The following ITPR1 variants were observed in gnomAD, a reference collection of about 807,000 sequenced individuals.
The protein encoded by ITPR1 is inositol 1,4,5-trisphosphate-gated calcium channel ITPR1.
In ITPR1, 96 loss-of-function variants were observed where a neutral mutation model predicts 318.4. The observed-to-expected ratio is 0.30, with a 90% CI of 0.26 to 0.36. The LOEUF (loss-of-function observed/expected upper bound fraction) is 0.36. Ranked by LOEUF, ITPR1 falls within the 10% of genes least tolerant of loss-of-function variation. ITPR1 has a pLI of 1.00. For synonymous variants in ITPR1, 1,312 were observed against 1,289.9 expected (o/e 1.02, Z -0.37); for missense variants, 2,440 against 3,460.2 (o/e 0.71, Z 7.40).
intron 4 of ITPR1, among the ~76,000 whole-genome samples, chr3:4,522,548 A>G (rs768897498): frequency 6.6e-6 from 1 of 152,186 alleles, no homozygotes; most frequent in Non-Finnish European, 1.5e-5. Context: ...AAAGAGAGAG[A>G]ATAACAGTTG....
At chr3:4,582,710 G>C (rs1258556539) in intron 4 of ITPR1, among the ~76,000 whole-genome samples, 1 of 152,178 alleles carries the variant, frequency 6.6e-6, no homozygotes, top group Non-Finnish European at 1.5e-5. Flanking sequence ...CTTTATGGCT[G>C]TGAAAGTGTC....
intron 44 of ITPR1, among the ~76,000 whole-genome samples, chr3:4,746,542 G>A (rs867787143): frequency 2.1e-5 from 3 of 143,364 alleles, no homozygotes; most frequent in Middle Eastern, 3.5e-3. Context: ...GATCCCCTGA[G>A]GCAGAGATAA....
At chr3:4,699,326 C>T (rs1031093984) in intron 34 of ITPR1, among the ~76,000 whole-genome samples, 2 of 151,846 alleles carry the variant, frequency 1.3e-5, no homozygotes, top group African/African-American at 4.8e-5. Flanking sequence ...CACAGCACTC[C>T]ATCCTGGGTG....
intron 4 of ITPR1, among the ~76,000 whole-genome samples, chr3:4,603,588 C>T (rs1262649982): frequency 3.9e-5 from 6 of 152,092 alleles, no homozygotes; most frequent in Non-Finnish European, 7.4e-5. Context: ...CGCCACCACA[C>T]CTAGCTAATT....
rs142268793 is a variant in ITPR1 at position 4,620,469 on chromosome 3, G to A, written c.164-7294G>A. 4.8e-3 allele frequency among the ~76,000 whole-genome samples: 734 copies of A among 152,236 alleles called. 4 individuals carry two copies. The highest frequency in any genetic ancestry group is 0.017 in the African/African-American group (701 of 41,542). ...ACTCCTGTCACCCTTGATGCCTGGAGCCCCCAGTTACTAAGCCTTTCCAGG... is the reference window on the plus strand; with the variant it reads ...ACTCCTGTCACCCTTGATGCCTGGAACCCCCAGTTACTAAGCCTTTCCAGG... On this transcript the variant is annotated intron_variant, in intron 4 of 61. Transcript: ENST00000649015.
intron 17 of ITPR1, among the ~76,000 whole-genome samples, chr3:4,666,642 G>A (rs892936421): frequency 3.3e-5 from 5 of 152,150 alleles, no homozygotes; most frequent in African/African-American, 9.7e-5. Context: ...ATAGTTAACC[G>A]GGATTTAGGA....
intron 8 of ITPR1, among the ~76,000 whole-genome samples, chr3:4,644,660 A>G (rs1375141560): frequency 6.6e-6 from 1 of 152,166 alleles, no homozygotes; most frequent in Non-Finnish European, 1.5e-5. Flanking sequence ...TTGGCAATAC[A>G]TCTACTTCTC....
At position 4,775,378 on chromosome 3, in the gene ITPR1, C is replaced by T. The variant is rs1245384315; in HGVS notation, c.6116C>T (p.Ala2039Val). The T allele has an allele frequency of 7.4e-6, 12 of 1,613,392 alleles. No homozygotes were observed. Among genetic ancestry groups the T allele is most frequent in the African/African-American group, 2.7e-5 (2 of 74,902 alleles). ...LGLYINEKNV[A>V]LINQTLESLT... is the part of the protein sequence containing the mutation. ...TTGTATATAAATGAAAAGAATGTAG[C>T]GCTTATCAACCAAACCCTGGAAAGT... Residue 2039 changes from alanine to valine, a missense_variant, in exon 47 of 62, where the codon GCG becomes GTG. Ala to Val is a moderately conservative substitution (Grantham distance 64, BLOSUM62 0). Around this residue, in one of 23 missense-constraint regions of ITPR1, gnomAD observed 76 missense variants for 162.1 expected, o/e 0.47. Transcript: ENST00000649015.
intron 4 of ITPR1, among the ~76,000 whole-genome samples, chr3:4,612,822 G>A (rs536209535): frequency 7.9e-5 from 12 of 152,148 alleles, no homozygotes; most frequent in Admixed American, 3.9e-4. Flanking sequence ...AGGAGGCGGA[G>A]GTTGCAGTGA....
intron 6 of ITPR1, 119 bp downstream of exon 6, chr3:4,639,589 AGTTTATTGC>A: frequency 1.4e-6 from 1 of 707,362 alleles, no homozygotes; most frequent in Non-Finnish European, 2.4e-6. Flanking sequence ...GGAGGCAGCC[AGTTTATTGC>A]AAAAAGTCTA....
intron 33 of ITPR1, among the ~76,000 whole-genome samples, chr3:4,694,523 G>A (rs538151969): frequency 1.3e-5 from 2 of 152,114 alleles, no homozygotes; most frequent in East Asian, 3.9e-4. Flanking sequence ...TGCGTTCTTC[G>A]GTGATTTCCT....
intron 4 of ITPR1, among the ~76,000 whole-genome samples, chr3:4,529,876 G>A (rs918688714): frequency 6.6e-6 from 1 of 152,064 alleles, no homozygotes; most frequent in Non-Finnish European, 1.5e-5. Flanking sequence ...AGTAAGACCG[G>A]TACCTTTCTA....
intron 49 of ITPR1, 38 bp from the exon 50 acceptor site, chr3:4,782,581 T>C (rs1395641465): frequency 6.3e-7 from 1 of 1,577,790 alleles, no homozygotes; most frequent in Admixed American, 1.8e-5. Context: ...TGGGTCTTCC[T>C]TGAAACAGGA....
intron 56 of ITPR1, among the ~76,000 whole-genome samples, chr3:4,811,846 A>G (rs1380673627): frequency 6.6e-6 from 1 of 152,166 alleles, no homozygotes; most frequent in Non-Finnish European, 1.5e-5. Flanking sequence ...ACAGACATAT[A>G]TGGGAGAACG....
chr3:4,814,736 G>T, intron 58 of ITPR1, 174 bp downstream of exon 58: 1 of 660,284 alleles, frequency 1.5e-6, no homozygotes, highest in Non-Finnish European at 2.6e-6. Flanking sequence ...ACGTGAGGTG[G>T]TGCCGCAAAG....
intron 50 of ITPR1, among the ~76,000 whole-genome samples, chr3:4,783,280 C>T (rs755535669): frequency 1.2e-4 from 19 of 152,054 alleles, no homozygotes; most frequent in South Asian, 2.1e-4. Context: ...TGGATGCCGA[C>T]GTGCCTTGAG....
chr3:4,721,172 G>GTATATATATATATATATATATATATA (rs5846332), intron 40 of ITPR1, among the ~76,000 whole-genome samples: 73 of 125,030 alleles, frequency 5.8e-4, no homozygotes, highest in African/African-American at 7.6e-4. Context: ...GTGTGTGCGT[G>GTATATATATATATATATATATATATA]TATATATATA....
intron 4 of ITPR1, among the ~76,000 whole-genome samples, chr3:4,571,571 C>A (rs2087996976): frequency 6.6e-6 from 1 of 152,118 alleles, no homozygotes; most frequent in Non-Finnish European, 1.5e-5. Flanking sequence ...TGGGCTCAAG[C>A]AATCCTCCTG....
chr3:4,755,313 TC>T (rs991957690), intron 44 of ITPR1, among the ~76,000 whole-genome samples: 4 of 151,870 alleles, frequency 2.6e-5, no homozygotes, highest in African/African-American at 9.7e-5. Flanking sequence ...TCCCAGTAAG[TC>T]CCAGTTCCCG....
Sources: gnomAD v4.1 joint callset for allele counts (sites outside exome capture counted in the v4.1 genomes callset) on GRCh38, gnomAD v4.1.1 for gene constraint, gnomAD v4.1.1 regional missense constraint, MANE v1.5 for transcripts, NCBI Gene and HGNC (gene_info 2026-07-23, HGNC 2026-07-21) for gene names.